IGSF10: variants seen among roughly 807,000 people sequenced by gnomAD.
The protein encoded by IGSF10 is calvaria mechanical force protein 608.
Under a neutral mutation model 128.2 loss-of-function variants are expected in IGSF10, and 126 were observed. That is an observed-to-expected ratio of 0.98 (90% CI 0.85 to 1.14). IGSF10 has a LOEUF of 1.14. Among genes scored for constraint, IGSF10 ranks in the 50% most tolerant of loss-of-function variants. The pLI is 0.00. For synonymous variants in IGSF10, 1,185 were observed against 1,146.2 expected (o/e 1.03, Z -0.68); for missense variants, 3,295 against 3,149.8 (o/e 1.05, Z -1.10).
chr3:151,612,590 T>A, the IGSF10 span, among the ~76,000 whole-genome samples: 2 of 152,174 alleles, frequency 1.3e-5, no homozygotes, highest in African/African-American at 2.4e-5. Flanking sequence ...GTAATAGATA[T>A]CTGCAGCCAA....
At chr3:151,522,659 T>C in the IGSF10 span, among the ~76,000 whole-genome samples, 1 of 151,722 alleles carries the variant, frequency 6.6e-6, no homozygotes, top group African/African-American at 2.4e-5. Context: ...TTAAAAACTT[T>C]CAAACTAGGT....
At chr3:151,472,776 CACTA>C in the IGSF10 span, among the ~76,000 whole-genome samples, 8 of 152,130 alleles carry the variant, frequency 5.3e-5, no homozygotes, top group Non-Finnish European at 1.0e-4. Context: ...TTTTGAGATC[CACTA>C]ACTGAGGACA....
At chr3:151,611,846 A>G in the IGSF10 span, among the ~76,000 whole-genome samples, 4 of 152,340 alleles carry the variant, frequency 2.6e-5, no homozygotes, top group East Asian at 7.7e-4. Flanking sequence ...CTTGGAAACT[A>G]TACTAAGCAC....
At chr3:151,461,345 C>T (rs1454236659), upstream of IGSF10, 12 of 985,250 alleles carry the variant, frequency 1.2e-5, no homozygotes, top group African/African-American at 3.5e-5. Flanking sequence ...TAAGGGTTTA[C>T]GTAAATCGCC....
At chr3:151,474,223 T>G in the IGSF10 span, among the ~76,000 whole-genome samples, 1 of 152,170 alleles carries the variant, frequency 6.6e-6, no homozygotes, top group African/African-American at 2.4e-5. Context: ...CAGAACTGAA[T>G]GTTGTACTTA....
chr3:151,450,766 C>CAT (rs1721471790), intron 5 of IGSF10, among the ~76,000 whole-genome samples: 1 of 151,844 alleles, frequency 6.6e-6, no homozygotes, highest in Non-Finnish European at 1.5e-5. Flanking sequence ...CATGGTGGCA[C>CAT]ATGTCTATAA....
the IGSF10 span, among the ~76,000 whole-genome samples, chr3:151,534,617 G>T: frequency 3.3e-5 from 5 of 151,636 alleles, no homozygotes; most frequent in African/African-American, 1.2e-4. Flanking sequence ...AGAACACATG[G>T]GTGGGGAGGG....
chr3:151,452,860 A>G (rs1721573956), intron 5 of IGSF10, among the ~76,000 whole-genome samples: 1 of 152,034 alleles, frequency 6.6e-6, no homozygotes, highest in Admixed American at 6.6e-5. Flanking sequence ...AGAACGGCTG[A>G]GCAGTTTGCT....
chr3:151,437,137 T>TCTA lies in IGSF10; in HGVS notation c.7421_7423dup (p.Val2474dup), dbSNP rs769700970. ...GTATTTCCCATTAATTTGAGGCCTGTCTACTACATAACCACTTGGCATAGT... is the reference window on the plus strand; with the variant it reads ...GTATTTCCCATTAATTTGAGGCCTGTCTACTACTACATAACCACTTGGCATAGT... On this transcript the variant is annotated inframe_insertion, in exon 8 of 8. Transcript: ENST00000282466. 6.2e-7 allele frequency: 1 copy of TCTA among 1,614,172 alleles called. No individual in the cohort carries two copies. Among genetic ancestry groups the TCTA allele is most frequent in the Non-Finnish European group, 8.5e-7 (1 of 1,180,016 alleles).
the IGSF10 span, among the ~76,000 whole-genome samples, chr3:151,573,041 G>T: frequency 1.3e-5 from 2 of 152,172 alleles, no homozygotes; most frequent in East Asian, 1.9e-4. Context: ...GTGCAGTTTT[G>T]AGTGAGTTTC....
At position 151,446,104 on chromosome 3, in the gene IGSF10, G is replaced by A. The variant is rs199554689; in HGVS notation, c.3877C>T (p.Pro1293Ser). The change falls in exon 6 of 8, where the codon CCC (proline) becomes TCC (serine). Residue 1293 changes from proline (P) to serine (S), a missense_variant. Pro to Ser is a moderately conservative substitution (Grantham distance 74, BLOSUM62 -1). Coordinates refer to ENST00000282466, the MANE Select transcript of IGSF10 (RefSeq NM_178822.5). ...ATACTAGGAAGCATAGGGTTAAGGGGTGGGAAGGGAAGCTCCTTCTTTGTT... is the reference window on the plus strand; with the variant it reads ...ATACTAGGAAGCATAGGGTTAAGGGATGGGAAGGGAAGCTCCTTCTTTGTT... ...LPTKKELPFP[P>S]LNPMLPSIIS... is the part of the protein sequence containing the mutation. 5.0e-5 allele frequency: 80 copies of A among 1,614,088 alleles called. No individual in the cohort carries two copies. Among genetic ancestry groups the A allele is most frequent in the Admixed American group, 6.7e-5 (4 of 60,004 alleles).
chr3:151,447,562 T>TAA lies in IGSF10; in HGVS notation c.2417_2418dup (p.Met807LeufsTer9). Reference sequence around the variant, plus strand: ...TTCAAAGCTTTAGTGGCCGGGACCATAAATTCCTCATGTAGAGCGAGCATG... The same window carrying TAA: ...TTCAAAGCTTTAGTGGCCGGGACCATAAAAATTCCTCATGTAGAGCGAGCATG... On this transcript the variant is annotated frameshift_variant, in exon 6 of 8. Coordinates refer to ENST00000282466, the MANE Select transcript of IGSF10 (RefSeq NM_178822.5). LOFTEE classifies it high-confidence loss of function. 1 of 1,614,178 alleles carries TAA rather than the reference T, an allele frequency of 6.2e-7. No individual in the cohort carries two copies. Among genetic ancestry groups the TAA allele is most frequent in the South Asian group, 1.1e-5 (1 of 91,086 alleles).
chr3:151,558,009 T>TGGTACA, the IGSF10 span, among the ~76,000 whole-genome samples: 1 of 31,906 alleles, frequency 3.1e-5, no homozygotes, highest in African/African-American at 1.7e-4. Context: ...ATATATAATA[T>TGGTACA]ATATATATAA....
chr3:151,563,654 T>C, the IGSF10 span, among the ~76,000 whole-genome samples: 1 of 152,158 alleles, frequency 6.6e-6, no homozygotes, highest in Non-Finnish European at 1.5e-5. Context: ...TTAGCTCTAG[T>C]TTAAAGCACT....
At chr3:151,585,145 G>A in the IGSF10 span, among the ~76,000 whole-genome samples, 5 of 152,196 alleles carry the variant, frequency 3.3e-5, no homozygotes, top group East Asian at 7.7e-4. Flanking sequence ...GCTGGTTTGG[G>A]TTGAGATTTG....
the IGSF10 span, among the ~76,000 whole-genome samples, chr3:151,523,342 A>G: frequency 1.3e-5 from 2 of 152,328 alleles, no homozygotes; most frequent in Admixed American, 6.5e-5. Context: ...GAACAAAAAA[A>G]GAGCCCACAT....
intron 5 of IGSF10, among the ~76,000 whole-genome samples, chr3:151,451,039 T>A (rs1211333134): frequency 6.6e-6 from 1 of 151,948 alleles, no homozygotes; most frequent in Admixed American, 6.6e-5. Context: ...TAGACTATGC[T>A]CACACTGTGG....
At chr3:151,561,216 C>A in the IGSF10 span, among the ~76,000 whole-genome samples, 1 of 152,028 alleles carries the variant, frequency 6.6e-6, no homozygotes, top group African/African-American at 2.4e-5. Flanking sequence ...ATCTTATTAC[C>A]CCTAAAAGTT....
the IGSF10 span, among the ~76,000 whole-genome samples, chr3:151,480,774 C>T: frequency 2.0e-5 from 3 of 152,004 alleles, no homozygotes; most frequent in Non-Finnish European, 4.4e-5. Flanking sequence ...ACTGCTGGAT[C>T]CTCCCTATAG....
Sources: gnomAD v4.1 joint callset for allele counts (sites outside exome capture counted in the v4.1 genomes callset) on GRCh38, gnomAD v4.1.1 for gene constraint, MANE v1.5 for transcripts, NCBI Gene and HGNC (gene_info 2026-07-23, HGNC 2026-07-21) for gene names.